Variants in NIBAN1 observed in about 807,000 individuals in gnomAD.
The protein encoded by NIBAN1 is niban apoptosis regulator 1, also known as protein Niban 1.
NIBAN1 carries 81 observed loss-of-function variants against 75.1 expected under a neutral mutation model. The ratio of observed to expected loss-of-function variants is 1.08; its 90% CI spans 0.90 to 1.30. The LOEUF (loss-of-function observed/expected upper bound fraction) is 1.30. NIBAN1 is among the 50% of genes most tolerant of loss of function. NIBAN1 has a pLI of 0.00. For synonymous variants in NIBAN1, 436 were observed against 424.8 expected (o/e 1.03, Z -0.32); for missense variants, 1,133 against 1,128.1 (o/e 1.00, Z -0.06).
At chr1:184,962,675 T>C (rs912386264) in intron 1 of NIBAN1, among the ~76,000 whole-genome samples, 1 of 152,112 alleles carries the variant, frequency 6.6e-6, no homozygotes, top group Admixed American at 6.6e-5. Context: ...CAAATACTAC[T>C]GGGGTAATTT....
At chr1:184,888,828 A>C (rs1015437180) in intron 4 of NIBAN1, among the ~76,000 whole-genome samples, 3 of 152,250 alleles carry the variant, frequency 2.0e-5, no homozygotes, top group African/African-American at 7.2e-5. Context: ...CCAAGGGCAT[A>C]TAAGTAGATG....
At chr1:184,965,582 G>A (rs1267326886) in intron 1 of NIBAN1, among the ~76,000 whole-genome samples, 1 of 152,096 alleles carries the variant, frequency 6.6e-6, no homozygotes, top group South Asian at 2.1e-4. Flanking sequence ...CTGAGTGAGC[G>A]CTAAATGATA....
intron 1 of NIBAN1, among the ~76,000 whole-genome samples, chr1:184,934,308 G>C (rs1291728553): frequency 6.6e-6 from 1 of 152,148 alleles, no homozygotes; most frequent in Non-Finnish European, 1.5e-5. Flanking sequence ...ATAGACATTG[G>C]AAACTACTAG....
rs59022150 is a variant in NIBAN1 at position 184,960,623 on chromosome 1, A to ATGTTGTTGTTGTTGTTGT, written c.55+13661_55+13678dup. ...AGACAACACCAACAACAACAACAAA[A>ATGTTGTTGTTGTTGTTGT]TGTTGTTGTTGTTGTTGTTGTTGAG... On this transcript the variant is annotated intron_variant, in intron 1 of 13. Transcript: ENST00000367511. Among the ~76,000 whole-genome samples, 384 of 150,224 alleles carry ATGTTGTTGTTGTTGTTGT rather than the reference A, an allele frequency of 2.6e-3. 9 individuals carry two copies. The East Asian group carries it at 0.035, about 14-fold the overall frequency.
chr1:184,929,462 T>G (rs1398505698), intron 1 of NIBAN1, among the ~76,000 whole-genome samples: 1 of 152,216 alleles, frequency 6.6e-6, no homozygotes, highest in Non-Finnish European at 1.5e-5. Flanking sequence ...TTCTAAATGG[T>G]GTTGTCCTTT....
At chr1:184,826,131 T>C (rs1411006708) in intron 6 of NIBAN1, among the ~76,000 whole-genome samples, 5 of 152,156 alleles carry the variant, frequency 3.3e-5, no homozygotes, top group Non-Finnish European at 5.9e-5. Flanking sequence ...ACTGTGCCTG[T>C]GGGTTGCTGG....
chr1:184,903,641 T>C (rs1260216327), intron 1 of NIBAN1, among the ~76,000 whole-genome samples: 1 of 152,084 alleles, frequency 6.6e-6, no homozygotes, highest in Admixed American at 6.5e-5. Flanking sequence ...TCTGCTATGA[T>C]TGTAAGCTTC....
chr1:184,866,927 C>T (rs1271465800), intron 5 of NIBAN1, among the ~76,000 whole-genome samples: 1 of 152,062 alleles, frequency 6.6e-6, no homozygotes, highest in Admixed American at 6.5e-5. Flanking sequence ...GTTTTGCACC[C>T]CTTTCATCTA....
At chr1:184,938,132 C>T (rs951941812) in intron 1 of NIBAN1, among the ~76,000 whole-genome samples, 1 of 152,192 alleles carries the variant, frequency 6.6e-6, no homozygotes, top group Non-Finnish European at 1.5e-5. Flanking sequence ...GGGAAAGTGA[C>T]ATGCTGAGAT....
At chr1:184,902,585 G>T (rs1009631987) in intron 1 of NIBAN1, among the ~76,000 whole-genome samples, 3 of 152,138 alleles carry the variant, frequency 2.0e-5, no homozygotes, top group African/African-American at 7.2e-5. Context: ...AAAAAAGCCG[G>T]CTGTTTACTG....
chr1:184,800,759 G>T (rs1447587616), intron 12 of NIBAN1, among the ~76,000 whole-genome samples: 1 of 152,148 alleles, frequency 6.6e-6, no homozygotes, highest in African/African-American at 2.4e-5. Flanking sequence ...TGTTTTTGTG[G>T]ATTTAAGGGC....
chr1:184,888,873 A>T (rs373403370), intron 4 of NIBAN1, among the ~76,000 whole-genome samples: 2 of 152,252 alleles, frequency 1.3e-5, no homozygotes, highest in South Asian at 4.1e-4. Flanking sequence ...TAGTGCACAT[A>T]AAGTGTTGTT....
intron 5 of NIBAN1, among the ~76,000 whole-genome samples, chr1:184,839,571 G>A (rs796127675): frequency 1.4e-4 from 21 of 147,172 alleles, no homozygotes; most frequent in African/African-American, 3.3e-4. Flanking sequence ...GTGTGCACGC[G>A]CGCGTGTGTG....
intron 1 of NIBAN1, among the ~76,000 whole-genome samples, chr1:184,958,455 T>C (rs910816214): frequency 4.6e-5 from 7 of 152,080 alleles, no homozygotes; most frequent in Middle Eastern, 3.4e-3. Context: ...TAGTAAATGT[T>C]TCCACTTAGC....
Position 184,817,068 on chromosome 1 carries a change from G to A in NIBAN1, c.1173+1570C>T, listed in dbSNP as rs570559060. On this transcript the variant is annotated intron_variant, in intron 9 of 13. Transcript: ENST00000367511. ...CAGGACCCCATGTGTGATGTTCCCT[G>A]CCATGTCCACGTGTTCTCATTGTTC... 2.0e-5 allele frequency among the ~76,000 whole-genome samples: 3 copies of A among 152,044 alleles called. No homozygotes were observed. In the East Asian group the frequency reaches 5.8e-4, roughly 29 times the overall value.
rs1653786338 is a variant in NIBAN1 at position 184,794,635 on chromosome 1, A to C, written c.*342T>G. 3.1e-5 allele frequency: 12 copies of C among 385,176 alleles called. No homozygotes were observed. Among genetic ancestry groups the C allele is most frequent in the South Asian group, 2.9e-4 (12 of 41,856 alleles). 23.9% of individuals were successfully genotyped at this position (385,176 alleles called of 1,614,324 possible). ...AGTGCACAAGAAGATTGCACAATTG[A>C]AAAGTGCAGAGTATACTCAAAACTG... On this transcript the variant is annotated 3_prime_UTR_variant, in exon 14 of 14. Transcript: ENST00000367511.
At chr1:184,868,593 A>G (rs969037906) in intron 5 of NIBAN1, 3 of 152,246 alleles carry the variant, frequency 2.0e-5, no homozygotes, top group African/African-American at 7.2e-5. Context: ...TAACTTCTGC[A>G]TCTCAATTGT....
rs1653687672 is a variant in NIBAN1, at chr1:184,791,187, C to T, written c.*3790G>A. The T allele has an allele frequency of 2.6e-6, 1 of 389,244 alleles. No homozygotes were observed. The highest frequency in any genetic ancestry group is 3.2e-5 in the Admixed American group (1 of 31,520). The allele number at this position is 389,244 out of a possible 1,614,324, so 24.1% of individuals were successfully genotyped here. On this transcript the variant is annotated 3_prime_UTR_variant, in exon 14 of 14. Coordinates refer to ENST00000367511, the MANE Select transcript of NIBAN1 (RefSeq NM_052966.4). ...AAGTTGCAGACTTTAGAAGGCAAACCCTCAAACCCGTCTCTTTATGGTAAA... is the reference window on the plus strand; with the variant it reads ...AAGTTGCAGACTTTAGAAGGCAAACTCTCAAACCCGTCTCTTTATGGTAAA...
intron 1 of NIBAN1, among the ~76,000 whole-genome samples, chr1:184,955,148 T>C (rs1010702012): frequency 6.6e-6 from 1 of 152,172 alleles, no homozygotes; most frequent in Non-Finnish European, 1.5e-5. Context: ...TTATTTTACA[T>C]TATTTTCTTT....
Sources: gnomAD v4.1 joint callset for allele counts (sites outside exome capture counted in the v4.1 genomes callset) on GRCh38, gnomAD v4.1.1 for gene constraint, MANE v1.5 for transcripts, NCBI Gene and HGNC (gene_info 2026-07-23, HGNC 2026-07-21) for gene names.